DLG2: variants seen among roughly 807,000 people sequenced by gnomAD.
The protein encoded by DLG2 is discs large MAGUK scaffold protein 2, also known as disks large homolog 2.
A neutral mutation model predicts 132.5 loss-of-function variants in DLG2; 45 were observed. The ratio of observed to expected loss-of-function variants is 0.34; its 90% CI spans 0.27 to 0.44. DLG2 has a LOEUF of 0.44. Ranked by LOEUF, DLG2 falls within the 20% of genes least tolerant of loss-of-function variation. The pLI is 1.00. For synonymous variants in DLG2, 424 were observed against 419.6 expected, an observed-to-expected ratio of 1.01 and a Z score of -0.13; for missense variants, 1,045 against 1,196.9, an observed-to-expected ratio of 0.87 and a Z score of 1.87.
chr11:83,791,745 G>A (rs536861351), intron 17 of DLG2, among the ~76,000 whole-genome samples: 14 of 152,262 alleles, frequency 9.2e-5, no homozygotes, highest in African/African-American at 2.9e-4. Context: ...ACCAGCTTGG[G>A]CAACATAGGG....
intron 2 of DLG2, among the ~76,000 whole-genome samples, chr11:85,609,788 C>A (rs1380093859): frequency 3.9e-5 from 6 of 152,160 alleles, no homozygotes; most frequent in South Asian, 2.1e-4. Context: ...GACACTGGTG[C>A]GGCCTTCTCA....
At chr11:83,871,577 T>C (rs1258410885) in intron 16 of DLG2, among the ~76,000 whole-genome samples, 2 of 152,158 alleles carry the variant, frequency 1.3e-5, no homozygotes, top group Non-Finnish European at 2.9e-5. Flanking sequence ...AACACTTTAA[T>C]GGGAAACCTG....
At chr11:83,699,523 C>T (rs1466216902) in intron 18 of DLG2, among the ~76,000 whole-genome samples, 1 of 149,654 alleles carries the variant, frequency 6.7e-6, no homozygotes, top group East Asian at 2.0e-4. Flanking sequence ...AGTGAAGCCC[C>T]GTCTCTACTA....
intron 8 of DLG2, among the ~76,000 whole-genome samples, chr11:84,216,820 A>G (rs573994594): frequency 1.1e-4 from 16 of 152,198 alleles, no homozygotes; most frequent in Non-Finnish European, 1.8e-4. Flanking sequence ...ATATGGTAGG[A>G]ATTTCCTGAT....
chr11:84,017,484 C>T (rs2154072702), intron 11 of DLG2, among the ~76,000 whole-genome samples: 1 of 152,000 alleles, frequency 6.6e-6, no homozygotes, highest in South Asian at 2.1e-4. Context: ...AAATATCTCA[C>T]AAATTATGTA....
At chr11:84,539,964 G>A (rs2099364190) in intron 6 of DLG2, among the ~76,000 whole-genome samples, 1 of 152,142 alleles carries the variant, frequency 6.6e-6, no homozygotes, top group South Asian at 2.1e-4. Context: ...TTAATAAATG[G>A]TGCTGGGAAA....
chr11:84,719,327 T>C (rs1037438882), intron 6 of DLG2, among the ~76,000 whole-genome samples: 3 of 152,220 alleles, frequency 2.0e-5, no homozygotes, highest in African/African-American at 7.2e-5. Flanking sequence ...ACTTCAGTTA[T>C]TTCAGATGAA....
intron 11 of DLG2, among the ~76,000 whole-genome samples, chr11:84,022,998 G>A (rs963876728): frequency 6.6e-6 from 1 of 152,030 alleles, no homozygotes; most frequent in Admixed American, 6.6e-5. Context: ...GATAATAAAT[G>A]TAAGCAGTAG....
intron 6 of DLG2, among the ~76,000 whole-genome samples, chr11:84,932,118 T>C (rs2048164458): frequency 6.6e-6 from 1 of 152,236 alleles, no homozygotes; most frequent in Non-Finnish European, 1.5e-5. Context: ...AGGTCTTTAG[T>C]TTAATTCATT....
At chr11:84,008,082 C>CA in intron 11 of DLG2, among the ~76,000 whole-genome samples, 3 of 151,840 alleles carry the variant, frequency 2.0e-5, no homozygotes, top group Admixed American at 2.0e-4. Context: ...ATTAGACACA[C>CA]AAAACTATGT....
At chr11:83,542,009 T>C (rs1021965226) in intron 19 of DLG2, 151 bp from the exon 20 acceptor site, 99 of 732,900 alleles carry the variant, frequency 1.4e-4, no homozygotes, top group Non-Finnish European at 1.7e-4. Flanking sequence ...GTCCACACTC[T>C]CACTGCTTTG....
intron 6 of DLG2, among the ~76,000 whole-genome samples, chr11:84,582,407 G>A (rs1018219834): frequency 4.0e-5 from 6 of 148,526 alleles, no homozygotes; most frequent in Non-Finnish European, 8.9e-5. Context: ...ACTCTTTTAA[G>A]TTAAAATACA....
At chr11:83,876,466 TATAAA>T (rs1359281157) in intron 15 of DLG2, among the ~76,000 whole-genome samples, 1 of 152,060 alleles carries the variant, frequency 6.6e-6, no homozygotes, top group African/African-American at 2.4e-5. Flanking sequence ...TTTACAAGCA[TATAAA>T]ATAAAACATT....
At chr11:85,189,429 A>G (rs1248110776) in intron 4 of DLG2, among the ~76,000 whole-genome samples, 1 of 152,220 alleles carries the variant, frequency 6.6e-6, no homozygotes, top group Admixed American at 6.5e-5. Flanking sequence ...ACAACACACT[A>G]TTGATACACA....
chr11:84,860,095 C>T (rs773758673), intron 6 of DLG2, among the ~76,000 whole-genome samples: 22 of 152,052 alleles, frequency 1.4e-4, no homozygotes, highest in East Asian at 3.9e-4. Flanking sequence ...CAATGTTTTA[C>T]GTATAACCAG....
At chr11:84,029,897 T>G (rs992780464) in intron 11 of DLG2, among the ~76,000 whole-genome samples, 1 of 152,206 alleles carries the variant, frequency 6.6e-6, no homozygotes, top group Non-Finnish European at 1.5e-5. Context: ...GATCACCTTC[T>G]GAAAAGGCCT....
At chr11:85,157,272 C>CATAT (rs201144634) in intron 4 of DLG2, among the ~76,000 whole-genome samples, 3 of 151,500 alleles carry the variant, frequency 2.0e-5, no homozygotes, top group Non-Finnish European at 4.4e-5. Flanking sequence ...TTAATAAGCA[C>CATAT]ATATATATAT....
intron 4 of DLG2, among the ~76,000 whole-genome samples, chr11:85,281,809 A>G (rs996955808): frequency 6.6e-6 from 1 of 152,024 alleles, no homozygotes; most frequent in African/African-American, 2.4e-5. Context: ...AGGTTCCTCA[A>G]AAAACTAAAC....
intron 6 of DLG2, among the ~76,000 whole-genome samples, chr11:84,663,945 A>G (rs994393627): frequency 1.3e-5 from 2 of 152,188 alleles, no homozygotes; most frequent in African/African-American, 2.4e-5. Context: ...CAGGCAAGCC[A>G]TGACTAAAGG....
Sources: gnomAD v4.1 joint callset for allele counts (sites outside exome capture counted in the v4.1 genomes callset) on GRCh38, gnomAD v4.1.1 for gene constraint, MANE v1.5 for transcripts, NCBI Gene and HGNC (gene_info 2026-07-23, HGNC 2026-07-21) for gene names.